ARMC2: variants seen among roughly 807,000 people sequenced by gnomAD.
The protein encoded by ARMC2 is armadillo repeat-containing protein 2.
ARMC2 carries 67 observed loss-of-function variants against 90.3 expected under a neutral mutation model. That is an observed-to-expected ratio of 0.74 (90% CI 0.61 to 0.91). The LOEUF is 0.91. ARMC2 is among the 40% of genes least tolerant of loss of function. The probability of loss-of-function intolerance (pLI) is 0.00; values close to 1 mark genes in which losing one functional copy is unlikely to be tolerated. For missense variants in ARMC2, 920 were observed against 1,030.9 expected (o/e 0.89, Z 1.47); for synonymous variants, 393 against 393.0 (o/e 1.00, Z 0.00).
chr6:108,881,242 C>G, intron 5 of ARMC2, among the ~76,000 whole-genome samples: 1 of 133,542 alleles, frequency 7.5e-6, no homozygotes, highest in Non-Finnish European at 1.6e-5. Context: ...CTTTCTCTTT[C>G]TTTTTCTTTT....
Position 108,965,147 on chromosome 6 carries a change from C to A in ARMC2, c.2446+7C>A. On this transcript the variant is annotated splice_region_variant and intron_variant, in intron 17 of 17. Transcript: ENST00000392644. ...TTGCTCTCATCATTTTTAGGTAAGA[C>A]TCTTGACTATGATGAGTCTGTGAGT... 1 of 1,595,084 alleles carries A rather than the reference C, an allele frequency of 6.3e-7. No individual in the cohort carries two copies. The highest frequency in any genetic ancestry group is 1.1e-5 in the South Asian group (1 of 90,250).
rs538572402 is a variant in ARMC2, at chr6:108,882,049, A to G, written c.671+5699A>G. Among the ~76,000 whole-genome samples the G allele has an allele frequency of 7.2e-5, 11 of 152,298 alleles. No individual in the cohort carries two copies. The East Asian group carries it at 1.9e-3, about 27-fold the overall frequency. On this transcript the variant is annotated intron_variant, in intron 5 of 17. Transcript: ENST00000392644. ...AAAAAAGATGAAGGAAGTGGATCAC[A>G]GAAGGTATTACCTTCCAAAAACATG...
At chr6:109,010,018 A>G in the ARMC2 span, among the ~76,000 whole-genome samples, 1 of 152,164 alleles carries the variant, frequency 6.6e-6, no homozygotes, top group South Asian at 2.1e-4. Context: ...CTGAATCGGC[A>G]GCAGAATGCA....
At chr6:108,964,689 G>A (rs530965418) in intron 16 of ARMC2, among the ~76,000 whole-genome samples, 11 of 152,100 alleles carry the variant, frequency 7.2e-5, no homozygotes, top group South Asian at 6.2e-4. Context: ...CAGGAGAATC[G>A]CTTGAATCCG....
chr6:108,908,659 AG>A (rs1297572506), intron 8 of ARMC2, among the ~76,000 whole-genome samples: 1 of 151,710 alleles, frequency 6.6e-6, no homozygotes, highest in African/African-American at 2.4e-5. Flanking sequence ...GAGGCAAGAG[AG>A]TTGATTGAGC....
intron 17 of ARMC2, 87 bp from the exon 18 acceptor site, chr6:108,973,270 G>A: frequency 8.7e-7 from 1 of 1,147,428 alleles, no homozygotes; most frequent in Non-Finnish European, 1.2e-6. Context: ...GACCCAGGGT[G>A]AGTTTAACTC....
chr6:108,865,533 G>A lies in ARMC2; in HGVS notation c.292-3291G>A, dbSNP rs1775726371. On this transcript the variant is annotated intron_variant, in intron 3 of 17. Transcript: ENST00000392644. ...GTCCCATGAGATGCGTGTTTAAATGGGACACATAATTTATTAAATGTCAGT... is the reference window on the plus strand; with the variant it reads ...GTCCCATGAGATGCGTGTTTAAATGAGACACATAATTTATTAAATGTCAGT... Among the ~76,000 whole-genome samples, 3 of 151,972 alleles carry A rather than the reference G, an allele frequency of 2.0e-5. No individual in the cohort carries two copies. The South Asian group carries it at 6.2e-4, about 32-fold the overall frequency.
intron 5 of ARMC2, 95 bp from the exon 6 acceptor site, chr6:108,894,372 T>C: frequency 9.2e-7 from 1 of 1,088,196 alleles, no homozygotes; most frequent in Non-Finnish European, 1.3e-6. Context: ...TATCTCAAAA[T>C]AATAAATAAG....
At chr6:108,856,406 A>G (rs965172265) in intron 2 of ARMC2, 5 of 190,860 alleles carry the variant, frequency 2.6e-5, no homozygotes, top group Admixed American at 9.6e-5. Flanking sequence ...GACTTTTCCC[A>G]TAGTCCTACC....
In ARMC2 at chr6:108,848,489, G is replaced by A. The variant is rs1773657058; in HGVS notation, c.-101G>A. The A allele has an allele frequency of 6.6e-6, 1 of 152,408 alleles. No homozygotes were observed. 9.4% of individuals were successfully genotyped at this position (152,408 alleles called of 1,614,324 possible). ...GCTGCATCCCTGGCCGCTACCCGGGGAGAGCCGGAGGATGAATTGAACCTC... is the reference window on the plus strand; with the variant it reads ...GCTGCATCCCTGGCCGCTACCCGGGAAGAGCCGGAGGATGAATTGAACCTC... On this transcript the variant is annotated 5_prime_UTR_variant, in exon 1 of 18. Transcript: ENST00000392644.
chr6:108,998,770 A>G, the ARMC2 span: 3 of 1,592,178 alleles, frequency 1.9e-6, no homozygotes, highest in Non-Finnish European at 2.6e-6. Flanking sequence ...GGGGGAAAAA[A>G]AAAAAGAATA....
At chr6:108,939,071 A>G (rs1562410037) in intron 12 of ARMC2, among the ~76,000 whole-genome samples, 1 of 152,054 alleles carries the variant, frequency 6.6e-6, no homozygotes, top group Non-Finnish European at 1.5e-5. Flanking sequence ...CTACCACTTC[A>G]GCCTCCCAAA....
At chr6:108,877,000 T>C (rs942355576) in intron 5 of ARMC2, among the ~76,000 whole-genome samples, 6 of 152,184 alleles carry the variant, frequency 3.9e-5, no homozygotes, top group Non-Finnish European at 1.5e-5. Context: ...ACCCTGGTAT[T>C]TTACTGAAGA....
chr6:108,931,647 C>T (rs2798643), intron 11 of ARMC2, among the ~76,000 whole-genome samples: 124,121 of 151,828 alleles, frequency 0.82, 50,995 homozygotes, highest in Admixed American at 0.87. Flanking sequence ...CTCATTGTGG[C>T]TTTGATTTGT....
chr6:108,968,686 A>AAAACAAAC (rs548784418), intron 17 of ARMC2, among the ~76,000 whole-genome samples: 11 of 151,746 alleles, frequency 7.2e-5, no homozygotes, highest in African/African-American at 2.7e-4. Context: ...AAAGATAGCT[A>AAAACAAAC]AAACAAACAA....
At chr6:109,027,287 A>G in the ARMC2 span, among the ~76,000 whole-genome samples, 1 of 151,972 alleles carries the variant, frequency 6.6e-6, no homozygotes, top group Admixed American at 6.6e-5. Flanking sequence ...AGTCTGGCCA[A>G]CATGGTGAAA....
chr6:108,967,277 G>T (rs749462618), intron 17 of ARMC2, among the ~76,000 whole-genome samples: 3 of 152,208 alleles, frequency 2.0e-5, no homozygotes, highest in Non-Finnish European at 4.4e-5. Flanking sequence ...TATGGCCCAG[G>T]GCTTTCCCGC....
chr6:108,858,102 C>A, intron 2 of ARMC2, 97 bp from the exon 3 acceptor site: 1 of 888,782 alleles, frequency 1.1e-6, no homozygotes, highest in Non-Finnish European at 1.7e-6. Flanking sequence ...TGCATTGCAT[C>A]CTTTTACTTG....
the ARMC2 span, among the ~76,000 whole-genome samples, chr6:109,036,979 A>T: frequency 1.3e-5 from 2 of 152,236 alleles, no homozygotes; most frequent in Non-Finnish European, 2.9e-5. Context: ...TCAGCACCTC[A>T]GTTAGGAAAC....
Sources: allele counts gnomAD v4.1 joint callset (sites outside exome capture counted in the v4.1 genomes callset), GRCh38; gene constraint gnomAD v4.1.1; transcripts MANE v1.5; gene names NCBI Gene and HGNC (gene_info 2026-07-23, HGNC 2026-07-21).